The following POGZ variants were observed in gnomAD, a reference collection of about 807,000 sequenced individuals.
The protein encoded by POGZ is pogo transposable element with ZNF domain.
Under a neutral mutation model 134.6 loss-of-function variants are expected in POGZ, and 17 were observed. The observed-to-expected ratio is 0.13, with a 90% CI of 0.09 to 0.19. POGZ has a LOEUF of 0.19. Among genes scored for constraint, POGZ ranks in the 10% least tolerant of loss-of-function variants. The pLI, the probability that POGZ is intolerant of heterozygous loss-of-function variation, is 1.00. For synonymous variants in POGZ, 693 were observed against 657.1 expected (o/e 1.05, Z -0.84); for missense variants, 1,306 against 1,769.7 (o/e 0.74, Z 4.70).
Position 151,403,167 on chromosome 1 carries a change from T to C in POGZ, c.*1635A>G. The C allele has an allele frequency of 1.0e-6, 1 of 964,744 alleles. No homozygotes were observed. The highest frequency in any genetic ancestry group is 1.2e-6 in the Non-Finnish European group (1 of 810,758). The allele number at this position is 964,744 out of a possible 1,614,324, so 59.8% of individuals were successfully genotyped here. A position where few individuals can be genotyped will look rare whatever the true frequency, so the allele number is the denominator to read the frequency against. On this transcript the variant is annotated 3_prime_UTR_variant, in exon 19 of 19. Transcript: ENST00000271715. ...GGCCAAGCTGTTTCTGGAAGGGACT[T>C]TTCCAGTTCACTATATTATAGTGTG...
In POGZ at chr1:151,403,522, C is replaced by G. The variant is rs1039712154; in HGVS notation, c.*1280G>C. 8.9e-5 allele frequency: 88 copies of G among 985,458 alleles called. No homozygotes were observed. The South Asian group carries it at 1.9e-3, about 22-fold the overall frequency. The allele number at this position is 985,458 out of a possible 1,614,324, so 61.0% of individuals were successfully genotyped here. A position where few individuals can be genotyped will look rare whatever the true frequency, so the allele number is the denominator to read the frequency against. The stretch of plus-strand genomic sequence containing the variant: ...TTTTGCTCCTTTTCTCTGTACGGTA[C>G]AGTACGTTTTGGTTTACAACCATGA... On this transcript the variant is annotated 3_prime_UTR_variant, in exon 19 of 19. Transcript: ENST00000271715.
At chr1:151,441,878 TTAAA>T (rs1298584229) in intron 2 of POGZ, among the ~76,000 whole-genome samples, 199 bp downstream of exon 2, 1 of 152,196 alleles carries the variant, frequency 6.6e-6, no homozygotes, top group Non-Finnish European at 1.5e-5. Flanking sequence ...TTTCGATGAA[TTAAA>T]TATATAGTTT....
rs568160724 is a variant in POGZ at position 151,408,842 on chromosome 1, G to A, written c.1927-14C>T. The A allele has an allele frequency of 9.8e-6, 15 of 1,529,780 alleles. No individual in the cohort carries two copies. The East Asian group carries it at 3.1e-4, about 32-fold the overall frequency. 94.8% of individuals were successfully genotyped at this position (1,529,780 alleles called of 1,614,324 possible). A position where few individuals can be genotyped will look rare whatever the true frequency, so the allele number is the denominator to read the frequency against. ...AACATTTCTCTTCTGAAGTGGGGGA[G>A]GGAAAAAAAGAGACAAAATCCCTTA... On this transcript the variant is annotated splice_polypyrimidine_tract_variant and intron_variant, in intron 12 of 18. Coordinates refer to ENST00000271715, the MANE Select transcript of POGZ (RefSeq NM_015100.4).
Position 151,425,068 on chromosome 1 carries a change from G to A in POGZ, c.1079-7C>T, listed in dbSNP as rs779942880. 4 of 1,384,014 alleles carry A rather than the reference G, an allele frequency of 2.9e-6. No homozygotes were observed. Among genetic ancestry groups the A allele is most frequent in the Non-Finnish European group, 4.1e-6 (4 of 980,810 alleles). The allele number at this position is 1,384,014 out of a possible 1,614,324, so 85.7% of individuals were successfully genotyped here. ...ACTGGGATGGAAGAGGTCACTGAAA[G>A]AAGTGAGAAGAATTGATAAGATTAA... On this transcript the variant is annotated splice_polypyrimidine_tract_variant and splice_region_variant and intron_variant, in intron 7 of 18. Transcript: ENST00000271715.
chr1:151,437,110 T>C (rs1198064726), intron 3 of POGZ, among the ~76,000 whole-genome samples: 1 of 151,962 alleles, frequency 6.6e-6, no homozygotes, highest in Non-Finnish European at 1.5e-5. Flanking sequence ...ACGAGAATCA[T>C]TTGAACTTGG....
In POGZ at chr1:151,403,649, A is replaced by G; in HGVS notation, c.*1153T>C. On this transcript the variant is annotated 3_prime_UTR_variant, in exon 19 of 19. Coordinates refer to ENST00000271715, the MANE Select transcript of POGZ (RefSeq NM_015100.4). ...AAGATTCATGTCATTTTCTTTGTGC[A>G]CACCCCTGTGCGCTTCTTCCTGTCA... 6 of 985,732 alleles carry G rather than the reference A, an allele frequency of 6.1e-6. No individual in the cohort carries two copies. Among genetic ancestry groups the G allele is most frequent in the Non-Finnish European group, 6.0e-6 (5 of 829,802 alleles). The allele number at this position is 985,732 out of a possible 1,614,324, so 61.1% of individuals were successfully genotyped here. A position where few individuals can be genotyped will look rare whatever the true frequency, so the allele number is the denominator to read the frequency against.
At chr1:151,453,904 C>T (rs146015411) in intron 1 of POGZ, among the ~76,000 whole-genome samples, 1 of 152,072 alleles carries the variant, frequency 6.6e-6, no homozygotes, top group Admixed American at 6.6e-5. Flanking sequence ...TTAAAAGCAG[C>T]AAAAAGAATC....
intron 4 of POGZ, 23 bp downstream of exon 4, chr1:151,430,642 CT>C: frequency 6.3e-7 from 1 of 1,581,342 alleles, no homozygotes; most frequent in African/African-American, 1.4e-5. Context: ...CTCTAGCAAC[CT>C]TGGAATTCAG....
At chr1:151,429,112 T>C (rs892286252) in intron 5 of POGZ, among the ~76,000 whole-genome samples, 130 of 119,332 alleles carry the variant, frequency 1.1e-3, no homozygotes, top group African/African-American at 3.5e-3. Context: ...AAAATTATCC[T>C]TCTCAGAATC....
In POGZ at chr1:151,423,466, G is replaced by A. The variant is rs1657276005; in HGVS notation, c.1609C>T (p.Arg537Cys). ...AGCTGGAAGGGAGTGGAAAACTGGC[G>A]GTAACAGTGCTGGCAGATAGTGTGA... Reference protein sequence around the residue: ...DGHTICQHCYRQFSTPFQLQC... With the variant: ...DGHTICQHCYCQFSTPFQLQC... Residue 537 changes from arginine to cysteine, a missense_variant, in exon 10 of 19, where the codon CGC (arginine) becomes TGC (cysteine). By Grantham distance (180) the Arg-to-Cys change is radical. Transcript: ENST00000271715. 3 of 1,613,848 alleles carry A rather than the reference G, an allele frequency of 1.9e-6. No homozygotes were observed. The highest frequency in any genetic ancestry group is 2.2e-5 in the East Asian group (1 of 44,890).
At chr1:151,451,786 T>C (rs1662119027) in intron 1 of POGZ, among the ~76,000 whole-genome samples, 1 of 151,674 alleles carries the variant, frequency 6.6e-6, no homozygotes, top group South Asian at 2.1e-4. Context: ...ATAAAACTAA[T>C]AGAAGTCTCT....
At chr1:151,424,320 C>T (rs1441714108) in intron 8 of POGZ, 34 bp from the exon 9 acceptor site, 1 of 1,355,754 alleles carries the variant, frequency 7.4e-7, no homozygotes, top group East Asian at 2.3e-5. Context: ...TTCTGGTTAT[C>T]CTGGGGGCTA....
chr1:151,447,285 T>C (rs966782810), intron 1 of POGZ, among the ~76,000 whole-genome samples: 4 of 151,892 alleles, frequency 2.6e-5, no homozygotes, highest in African/African-American at 4.8e-5. Flanking sequence ...AACAGGAGAA[T>C]TGCTTGAACC....
intron 1 of POGZ, among the ~76,000 whole-genome samples, chr1:151,443,020 C>T (rs759117195): frequency 1.3e-5 from 2 of 151,894 alleles, no homozygotes; most frequent in African/African-American, 2.4e-5. Context: ...ATAGAGACTC[C>T]GTCTCAAAAA....
intron 1 of POGZ, among the ~76,000 whole-genome samples, chr1:151,458,839 G>T (rs1297597288): frequency 4.1e-5 from 6 of 145,434 alleles, no homozygotes; most frequent in African/African-American, 9.9e-5. Context: ...GCGGGCGCCG[G>T]GGGGCGGGGG....
chr1:151,458,487 G>C (rs1334092959), intron 1 of POGZ, among the ~76,000 whole-genome samples: 1 of 151,892 alleles, frequency 6.6e-6, no homozygotes, highest in Admixed American at 6.6e-5. Flanking sequence ...ATAACACAAG[G>C]GATCGGCTCA....
chr1:151,423,542 G>C lies in POGZ; in HGVS notation c.1533C>G (p.Asn511Lys), dbSNP rs778231803. 6.2e-7 allele frequency: 1 copy of C among 1,609,634 alleles called. No individual in the cohort carries two copies. Among genetic ancestry groups the C allele is most frequent in the African/African-American group, 1.3e-5 (1 of 74,778 alleles). The change falls in exon 10 of 19, where the codon AAC (asparagine) becomes AAG (lysine). Residue 511 changes from asparagine (N) to lysine (K), a missense_variant. This residue lies in a region of POGZ where 541 missense variants were observed against 680.5 expected (regional missense o/e 0.80). Coordinates refer to ENST00000271715, the MANE Select transcript of POGZ (RefSeq NM_015100.4). Reference protein sequence around the residue: ...KRLKNNIRFMNHMKHHVELDQ... With the variant: ...KRLKNNIRFMKHMKHHVELDQ... ...CGAGTTCTACGTGGTGTTTCATATG[G>C]TTCATGAATCTGTAATAAAGCACAA... is the stretch of plus-strand genomic sequence containing the variant.
chr1:151,447,843 T>C (rs1388804907), intron 1 of POGZ, among the ~76,000 whole-genome samples: 1 of 151,904 alleles, frequency 6.6e-6, no homozygotes, highest in Non-Finnish European at 1.5e-5. Context: ...ATGTGCCCTA[T>C]TTTGGCCAGT....
At chr1:151,427,799 T>C (rs1332849923) in intron 7 of POGZ, 24 bp downstream of exon 7, 2 of 1,463,744 alleles carry the variant, frequency 1.4e-6, no homozygotes, top group Admixed American at 3.4e-5. Flanking sequence ...GACTGGCTGC[T>C]CAGAGTCTTT....
Sources: gnomAD v4.1 joint callset for allele counts (sites outside exome capture counted in the v4.1 genomes callset) on GRCh38, gnomAD v4.1.1 for gene constraint, gnomAD v4.1.1 regional missense constraint, MANE v1.5 for transcripts, NCBI Gene and HGNC (gene_info 2026-07-23, HGNC 2026-07-21) for gene names.